CYP2C19: variants seen among roughly 807,000 people sequenced by gnomAD.
CYP2C19 encodes the protein cytochrome P450 2C19.
Under a neutral mutation model 40.9 loss-of-function variants are expected in CYP2C19, and 59 were observed. The ratio of observed to expected loss-of-function variants is 1.44; its 90% CI spans 1.17 to 1.79. The LOEUF (loss-of-function observed/expected upper bound fraction) is 1.79. Ranked by LOEUF, CYP2C19 falls within the 40% of genes most tolerant of loss-of-function variation. The pLI is 0.00. For synonymous variants in CYP2C19, 253 were observed against 208.7 expected (o/e 1.21, Z -1.83); for missense variants, 754 against 596.9 (o/e 1.26, Z -2.74).
rs980724823 is a variant in CYP2C19 at position 94,784,037 on chromosome 10, G to A, written c.819+2040G>A. On this transcript the variant is annotated intron_variant, in intron 5 of 8. Coordinates refer to ENST00000371321, the MANE Select transcript of CYP2C19 (RefSeq NM_000769.4). ...AATGTTTTTATCACGCCACAAAAAC[G>A]TATTATATTCGCTAAATAATCACTC... 2.6e-5 allele frequency among the ~76,000 whole-genome samples: 4 copies of A among 152,254 alleles called. 1 individual carries two copies. Among genetic ancestry groups the A allele is most frequent in the Non-Finnish European group, 4.4e-5 (3 of 68,020 alleles).
intron 1 of CYP2C19, among the ~76,000 whole-genome samples, chr10:94,765,543 G>C (rs111579015): frequency 0.08 from 12,170 of 152,050 alleles, 566 homozygotes; most frequent in South Asian, 0.12. Flanking sequence ...GAGTGGCTCC[G>C]TGTGTTCTAT....
chr10:94,784,609 AT>A (rs1554849631), intron 5 of CYP2C19, among the ~76,000 whole-genome samples: 1 of 150,942 alleles, frequency 6.6e-6, no homozygotes, highest in East Asian at 1.9e-4. Flanking sequence ...GTATCTCATT[AT>A]TTATTTATTT....
At chr10:94,763,492 G>C (rs1303119983) in intron 1 of CYP2C19, among the ~76,000 whole-genome samples, 2 of 152,040 alleles carry the variant, frequency 1.3e-5, no homozygotes, top group Non-Finnish European at 2.9e-5. Flanking sequence ...TAAGCATTAC[G>C]GTTTTTTCTT....
At chr10:94,811,901 T>A (rs556161806) in intron 5 of CYP2C19, among the ~76,000 whole-genome samples, 138 of 152,254 alleles carry the variant, frequency 9.1e-4, no homozygotes, top group African/African-American at 2.7e-3. Context: ...GTGTGTGGAT[T>A]TAATCCTGCC....
At chr10:94,764,547 C>A (rs1408638509) in intron 1 of CYP2C19, among the ~76,000 whole-genome samples, 2 of 152,094 alleles carry the variant, frequency 1.3e-5, no homozygotes, top group Non-Finnish European at 2.9e-5. Context: ...AACAGGACAC[C>A]CCAACTGCTG....
chr10:94,786,322 G>T (rs1329502977), intron 5 of CYP2C19, among the ~76,000 whole-genome samples: 2 of 152,084 alleles, frequency 1.3e-5, no homozygotes, highest in Non-Finnish European at 2.9e-5. Context: ...AGATCACTTT[G>T]AGGAGTATTG....
chr10:94,836,460 T>A (rs1204889115), intron 6 of CYP2C19, among the ~76,000 whole-genome samples: 4 of 152,208 alleles, frequency 2.6e-5, no homozygotes, highest in Admixed American at 6.5e-5. Flanking sequence ...GAGTCTTGGG[T>A]TAGAGACTTC....
At chr10:94,833,965 T>C (rs1393937960) in intron 6 of CYP2C19, among the ~76,000 whole-genome samples, 1 of 152,218 alleles carries the variant, frequency 6.6e-6, no homozygotes, top group Non-Finnish European at 1.5e-5. Flanking sequence ...AGTTTTCTTT[T>C]TTTGATGTGT....
At chr10:94,782,037 G>T (rs546324270) in intron 5 of CYP2C19, 40 bp downstream of exon 5, 25 of 1,480,364 alleles carry the variant, frequency 1.7e-5, no homozygotes, top group Non-Finnish European at 1.9e-5. Context: ...GACTGCTTGC[G>T]TATTTGTGAT....
In CYP2C19 at chr10:94,815,825, T is replaced by G. The variant is rs577547829; in HGVS notation, c.820-4671T>G. Reference sequence around the variant, plus strand: ...GTCATGTTGCTTTTTTCATATCTGTTTTTATACAATTTCAACTTTATAATG... The same window carrying G: ...GTCATGTTGCTTTTTTCATATCTGTGTTTATACAATTTCAACTTTATAATG... On this transcript the variant is annotated intron_variant, in intron 5 of 8. Transcript: ENST00000371321. Among the ~76,000 whole-genome samples the G allele has an allele frequency of 4.3e-4, 65 of 152,338 alleles. No homozygotes were observed. The South Asian group carries it at 0.013, about 32-fold the overall frequency.
chr10:94,786,398 T>C (rs1848541379), intron 5 of CYP2C19, among the ~76,000 whole-genome samples: 1 of 152,108 alleles, frequency 6.6e-6, no homozygotes, highest in African/African-American at 2.4e-5. Context: ...ATTTAGGTAT[T>C]AGATATTCTT....
Position 94,800,362 on chromosome 10 carries a change from G to A in CYP2C19, c.819+18365G>A, listed in dbSNP as rs1032725825. Among the ~76,000 whole-genome samples, 13 of 152,170 alleles carry A rather than the reference G, an allele frequency of 8.5e-5. 1 individual carries two copies. The highest frequency in any genetic ancestry group is 7.2e-4 in the Admixed American group (11 of 15,278). ...GCAGAACAGCAAATATTGCAGAACAGCAAATATTGCTGCCTGCTCCTTTCT... is the reference window on the plus strand; with the variant it reads ...GCAGAACAGCAAATATTGCAGAACAACAAATATTGCTGCCTGCTCCTTTCT... On this transcript the variant is annotated intron_variant, in intron 5 of 8. Coordinates refer to ENST00000371321, the MANE Select transcript of CYP2C19 (RefSeq NM_000769.4).
intron 8 of CYP2C19, among the ~76,000 whole-genome samples, chr10:94,852,185 G>T (rs1849663606): frequency 6.6e-6 from 1 of 152,096 alleles, no homozygotes; most frequent in South Asian, 2.1e-4. Context: ...TCCAGGTCAA[G>T]CTATTTGGAT....
chr10:94,830,431 G>T (rs1326884580), intron 6 of CYP2C19, among the ~76,000 whole-genome samples: 1 of 152,188 alleles, frequency 6.6e-6, no homozygotes, highest in African/African-American at 2.4e-5. Flanking sequence ...GGTGCCGTCT[G>T]TCACCCCTTT....
At chr10:94,803,638 T>C (rs144182307) in intron 5 of CYP2C19, among the ~76,000 whole-genome samples, 2 of 152,172 alleles carry the variant, frequency 1.3e-5, no homozygotes, top group Non-Finnish European at 2.9e-5. Flanking sequence ...GTGGGCAGAC[T>C]TGAAGCCCCC....
intron 5 of CYP2C19, among the ~76,000 whole-genome samples, chr10:94,799,102 G>A (rs1429552982): frequency 3.3e-5 from 5 of 151,840 alleles, no homozygotes; most frequent in African/African-American, 9.7e-5. Flanking sequence ...TAGCATTGAT[G>A]GTCTTTACAA....
chr10:94,815,616 A>G (rs1848990725), intron 5 of CYP2C19, among the ~76,000 whole-genome samples: 1 of 152,180 alleles, frequency 6.6e-6, no homozygotes, highest in South Asian at 2.1e-4. Context: ...TGGGCAATTA[A>G]TGTCCTTATT....
intron 5 of CYP2C19, among the ~76,000 whole-genome samples, chr10:94,810,340 T>A (rs948493818): frequency 2.6e-5 from 4 of 152,118 alleles, no homozygotes; most frequent in African/African-American, 9.7e-5. Flanking sequence ...TGGCCTGAAA[T>A]TTTCTTTTTT....
intron 6 of CYP2C19, among the ~76,000 whole-genome samples, chr10:94,829,754 T>G (rs991057521): frequency 2.8e-4 from 43 of 151,714 alleles, no homozygotes; most frequent in African/African-American, 9.9e-4. Context: ...TTTCCAGTTT[T>G]TCTGTTCTGT....
Sources: allele counts gnomAD v4.1 joint callset (sites outside exome capture counted in the v4.1 genomes callset), GRCh38; gene constraint gnomAD v4.1.1; transcripts MANE v1.5; gene names NCBI Gene and HGNC (gene_info 2026-07-23, HGNC 2026-07-21).